BCL2L1: variants seen among roughly 807,000 people sequenced by gnomAD.
BCL2L1 encodes bcl-2-like protein 1.
In BCL2L1, 1 loss-of-function variant was observed where a neutral mutation model predicts 18.7. The observed-to-expected ratio is 0.05, with a 90% CI of 0.02 to 0.25. The LOEUF (loss-of-function observed/expected upper bound fraction) is 0.25. Ranked by LOEUF, BCL2L1 falls within the 10% of genes least tolerant of loss-of-function variation. BCL2L1 has a pLI of 1.00. For missense variants in BCL2L1, 207 were observed against 304.9 expected, an observed-to-expected ratio of 0.68 and a Z score of 2.39; for synonymous variants, 103 against 122.7, an observed-to-expected ratio of 0.84 and a Z score of 1.06.
chr20:31,667,517 A>T (rs1032361462), intron 2 of BCL2L1, among the ~76,000 whole-genome samples: 1 of 74,164 alleles, frequency 1.3e-5, no homozygotes, highest in Non-Finnish European at 2.5e-5. Context: ...GTGTGTGTAA[A>T]ATGAATGAGT....
intron 2 of BCL2L1, among the ~76,000 whole-genome samples, chr20:31,667,957 C>A (rs1156645225): frequency 6.6e-6 from 1 of 152,162 alleles, no homozygotes; most frequent in Admixed American, 6.5e-5. Context: ...AGTTCTCAAC[C>A]TTCCCAGGGC....
At chr20:31,683,769 CA>C (rs372160646) in intron 2 of BCL2L1, among the ~76,000 whole-genome samples, 32 of 80,688 alleles carry the variant, frequency 4.0e-4, no homozygotes, top group East Asian at 3.7e-3. Context: ...AACTCCATCT[CA>C]AAAAAAAAAA....
chr20:31,686,788 T>C (rs765167830), intron 2 of BCL2L1, among the ~76,000 whole-genome samples: 7 of 152,048 alleles, frequency 4.6e-5, no homozygotes, highest in Non-Finnish European at 8.8e-5. Context: ...CAGACTTACC[T>C]TCCAGAAAGG....
intron 2 of BCL2L1, chr20:31,721,357 T>C (rs944774145): frequency 2.6e-6 from 1 of 382,118 alleles, no homozygotes; most frequent in African/African-American, 2.0e-5. Flanking sequence ...CTCACAGGTT[T>C]GGGACTTAAT....
chr20:31,692,464 A>G (rs1480613360), intron 2 of BCL2L1, among the ~76,000 whole-genome samples: 1 of 152,250 alleles, frequency 6.6e-6, no homozygotes, highest in African/African-American at 2.4e-5. Context: ...ACACAGCATA[A>G]TACCTAAATG....
intron 2 of BCL2L1, chr20:31,713,626 G>A: frequency 1.0e-6 from 1 of 976,616 alleles, no homozygotes; most frequent in South Asian, 4.7e-5. Flanking sequence ...AAACCAAATA[G>A]CAGACGGTCC....
intron 2 of BCL2L1, among the ~76,000 whole-genome samples, chr20:31,688,374 G>A (rs545323959): frequency 6.6e-6 from 1 of 151,148 alleles, no homozygotes; most frequent in Non-Finnish European, 1.5e-5. Context: ...AACCCAGGAG[G>A]TGGAGGTTGC....
rs1314061712 is a variant in BCL2L1 at position 31,665,350 on chromosome 20, G to A, written c.*599C>T. The A allele has an allele frequency of 2.0e-5, 3 of 153,340 alleles. No homozygotes were observed. The highest frequency in any genetic ancestry group is 2.9e-5 in the Non-Finnish European group (2 of 68,616). 9.5% of individuals were successfully genotyped at this position (153,340 alleles called of 1,614,324 possible). A position where few individuals can be genotyped will look rare whatever the true frequency, so the allele number is the denominator to read the frequency against. On this transcript the variant is annotated 3_prime_UTR_variant, in exon 3 of 3. Transcript: ENST00000307677. ...CTTCTGGAGGACATTTGGACTGGGA[G>A]TGAGGACTCTAGCCAGTCCAGAGGT...
At position 31,709,335 on chromosome 20, in the gene BCL2L1, G is replaced by A. The variant is rs1250432710; in HGVS notation, c.564+12320C>T. On this transcript the variant is annotated intron_variant, in intron 2 of 2. Transcript: ENST00000307677. Reference sequence around the variant, plus strand: ...CCTGCTCGTGTGTGTGTGTGCGCGCGTGCACGCGTGTGTAACTAGCCTGAT... The same window carrying A: ...CCTGCTCGTGTGTGTGTGTGCGCGCATGCACGCGTGTGTAACTAGCCTGAT... Among the ~76,000 whole-genome samples the A allele has an allele frequency of 3.3e-5, 5 of 152,160 alleles. No individual in the cohort carries two copies. In the South Asian group the frequency reaches 8.3e-4, roughly 25 times the overall value.
At chr20:31,720,030 T>C in intron 2 of BCL2L1, 1 of 920,578 alleles carries the variant, frequency 1.1e-6, no homozygotes, top group Non-Finnish European at 1.3e-6. Flanking sequence ...CAACAGGAAC[T>C]ATTTAATCAT....
At chr20:31,718,673 GA>G (rs2061577383) in intron 2 of BCL2L1, among the ~76,000 whole-genome samples, 1 of 147,750 alleles carries the variant, frequency 6.8e-6, no homozygotes, top group Non-Finnish European at 1.5e-5. Context: ...AAAAAAAAAA[GA>G]AAAAATTAAT....
intron 2 of BCL2L1, among the ~76,000 whole-genome samples, chr20:31,676,201 A>T (rs1324628669): frequency 6.6e-6 from 1 of 152,150 alleles, no homozygotes; most frequent in Non-Finnish European, 1.5e-5. Context: ...CCTTCCCTGG[A>T]ACCGATGGAG....
upstream of BCL2L1, chr20:31,723,667 G>A (rs941266813): frequency 3.0e-6 from 3 of 985,574 alleles, no homozygotes; most frequent in African/African-American, 3.5e-5. Flanking sequence ...AGCCGGCACG[G>A]AAGCGGGACG....
At chr20:31,720,583 C>T in intron 2 of BCL2L1, 1 of 985,442 alleles carries the variant, frequency 1.0e-6, no homozygotes, top group Non-Finnish European at 1.2e-6. Flanking sequence ...GGCAGGAGAA[C>T]TCTCCCTCCC....
intron 2 of BCL2L1, among the ~76,000 whole-genome samples, chr20:31,677,308 A>C (rs972664012): frequency 6.6e-6 from 1 of 151,566 alleles, no homozygotes; most frequent in Non-Finnish European, 1.5e-5. Context: ...CAGCCTCCCA[A>C]GTAATTGGGA....
At chr20:31,675,674 G>A (rs965172581) in intron 2 of BCL2L1, among the ~76,000 whole-genome samples, 2 of 152,092 alleles carry the variant, frequency 1.3e-5, no homozygotes, top group African/African-American at 4.8e-5. Flanking sequence ...AAAGAGAGGG[G>A]TGGCAAGACT....
chr20:31,703,720 G>A (rs2061324417), intron 2 of BCL2L1, among the ~76,000 whole-genome samples: 1 of 151,724 alleles, frequency 6.6e-6, no homozygotes, highest in African/African-American at 2.4e-5. Context: ...TGGAACTCCT[G>A]ATCTCAGGTG....
At chr20:31,679,554 T>C (rs1418514031) in intron 2 of BCL2L1, among the ~76,000 whole-genome samples, 1 of 152,196 alleles carries the variant, frequency 6.6e-6, no homozygotes, top group Non-Finnish European at 1.5e-5. Flanking sequence ...GTGTTCCGGC[T>C]GCAAAATGAA....
At chr20:31,707,778 CAAAA>C (rs553742099) in intron 2 of BCL2L1, among the ~76,000 whole-genome samples, 4 of 60,858 alleles carry the variant, frequency 6.6e-5, no homozygotes, top group Non-Finnish European at 6.7e-5. Context: ...AACTCTGTCT[CAAAA>C]AAAAAAAAAA....
Sources: gnomAD v4.1 joint callset for allele counts (sites outside exome capture counted in the v4.1 genomes callset) on GRCh38, gnomAD v4.1.1 for gene constraint, MANE v1.5 for transcripts, NCBI Gene and HGNC (gene_info 2026-07-23, HGNC 2026-07-21) for gene names.